The following DNM3 variants were observed in gnomAD, a reference collection of about 807,000 sequenced individuals.
DNM3 encodes dynamin-3.
In DNM3, 47 loss-of-function variants were observed where a neutral mutation model predicts 101.6. That is an observed-to-expected ratio of 0.46 (90% CI 0.37 to 0.59). The LOEUF is 0.59. DNM3 is among the 20% of genes least tolerant of loss of function. DNM3 has a pLI of 0.00. For synonymous variants in DNM3, 385 were observed against 387.9 expected, an observed-to-expected ratio of 0.99 and a Z score of 0.09; for missense variants, 849 against 1,085.7, an observed-to-expected ratio of 0.78 and a Z score of 3.06.
chr1:172,245,808 A>G (rs975891928), intron 14 of DNM3, among the ~76,000 whole-genome samples: 3 of 152,184 alleles, frequency 2.0e-5, no homozygotes, highest in Non-Finnish European at 4.4e-5. Context: ...CGGCTAGGGA[A>G]CAAGGATCTG....
In DNM3 at chr1:172,043,474, A is replaced by G. The variant is rs2049542703; in HGVS notation, c.1129-911A>G. Among the ~76,000 whole-genome samples, 3 of 152,200 alleles carry G rather than the reference A, an allele frequency of 2.0e-5. No homozygotes were observed. In the South Asian group the frequency reaches 6.2e-4, roughly 31 times the overall value. On this transcript the variant is annotated intron_variant, in intron 8 of 20. Coordinates refer to ENST00000627582, the MANE Select transcript of DNM3 (RefSeq NM_015569.5). ...GGGTAAATAGATAATTTCATTAAAA[A>G]TGTGCTAAGTAAAGTGATAAACTTC... is the stretch of plus-strand genomic sequence containing the variant.
chr1:172,074,984 C>T (rs1303155710), intron 11 of DNM3, among the ~76,000 whole-genome samples: 1 of 152,180 alleles, frequency 6.6e-6, no homozygotes, highest in Non-Finnish European at 1.5e-5. Context: ...TCTGTTGTTT[C>T]CTGACTTTTT....
chr1:172,072,693 G>C (rs2052298200), intron 11 of DNM3, among the ~76,000 whole-genome samples: 1 of 152,206 alleles, frequency 6.6e-6, no homozygotes, highest in African/African-American at 2.4e-5. Context: ...TTCAAGACCA[G>C]CCTGGCCAAC....
chr1:172,305,425 G>A (rs970777831), intron 15 of DNM3, among the ~76,000 whole-genome samples: 5 of 152,114 alleles, frequency 3.3e-5, no homozygotes, highest in African/African-American at 9.7e-5. Flanking sequence ...AAAACCAGAC[G>A]GATTCACAGC....
intron 13 of DNM3, among the ~76,000 whole-genome samples, chr1:172,097,281 T>A (rs895407169): frequency 6.6e-6 from 1 of 151,914 alleles, no homozygotes; most frequent in African/African-American, 2.4e-5. Context: ...GTGCCTGTAA[T>A]CCAAGCTTCT....
intron 1 of DNM3, among the ~76,000 whole-genome samples, chr1:171,874,499 T>A (rs1017099708): frequency 6.6e-6 from 1 of 152,146 alleles, no homozygotes; most frequent in African/African-American, 2.4e-5. Flanking sequence ...AGTGGTAGAG[T>A]TGATGAAATT....
downstream of DNM3, among the ~76,000 whole-genome samples, chr1:172,416,633 G>A (rs149871661): frequency 1.2e-3 from 185 of 152,304 alleles, 1 homozygote; most frequent in African/African-American, 4.2e-3. Flanking sequence ...CTTCAGCACT[G>A]TGGACTTGCT....
At position 172,409,782 on chromosome 1, in the gene DNM3, TA is replaced by T; in HGVS notation, c.*1945del. On this transcript the variant is annotated 3_prime_UTR_variant, in exon 21 of 21. Coordinates refer to ENST00000627582, the MANE Select transcript of DNM3 (RefSeq NM_015569.5). Reference sequence around the variant, plus strand: ...CCTTTGCTTCTTCCTTTGAATTCTCTAAAATAGGCAGCTAACGGATTATATA... The same window carrying T: ...CCTTTGCTTCTTCCTTTGAATTCTCTAAATAGGCAGCTAACGGATTATATA... 1.0e-6 allele frequency: 1 copy of T among 985,760 alleles called. No individual in the cohort carries two copies. The highest frequency in any genetic ancestry group is 1.2e-6 in the Non-Finnish European group (1 of 829,854). The allele number at this position is 985,760 out of a possible 1,614,324, so 61.1% of individuals were successfully genotyped here. A position where few individuals can be genotyped will look rare whatever the true frequency, so the allele number is the denominator to read the frequency against.
At chr1:171,937,195 C>T (rs1011247537) in intron 2 of DNM3, among the ~76,000 whole-genome samples, 1 of 151,906 alleles carries the variant, frequency 6.6e-6, no homozygotes, top group Admixed American at 6.6e-5. Flanking sequence ...CTACATTTCT[C>T]GCTTTGTTTT....
rs760797992 is a variant in DNM3, at chr1:171,841,608, G to C, written c.-49G>C. ...GCAGCGCGGCCCCTACTCCCTGTCA[G>C]GTCGTAGAGGCGAGCAGGGACCAGC... is the stretch of plus-strand genomic sequence containing the variant. On this transcript the variant is annotated 5_prime_UTR_variant, in exon 1 of 21. Transcript: ENST00000627582. The C allele has an allele frequency of 3.8e-5, 60 of 1,578,686 alleles. No individual in the cohort carries two copies. Among genetic ancestry groups the C allele is most frequent in the Non-Finnish European group, 4.9e-5 (57 of 1,164,800 alleles).
At chr1:171,998,144 A>G (rs1261900421) in intron 4 of DNM3, among the ~76,000 whole-genome samples, 2 of 152,144 alleles carry the variant, frequency 1.3e-5, no homozygotes, top group African/African-American at 4.8e-5. Flanking sequence ...AATTCTTTCC[A>G]TTATATCATC....
chr1:171,884,506 C>A (rs2036593894), intron 1 of DNM3, among the ~76,000 whole-genome samples: 2 of 152,146 alleles, frequency 1.3e-5, no homozygotes, highest in Admixed American at 6.5e-5. Context: ...GCATTAGATC[C>A]ATTTGCCCTG....
chr1:172,001,155 G>A (rs1349136127), intron 4 of DNM3, among the ~76,000 whole-genome samples: 1 of 152,060 alleles, frequency 6.6e-6, no homozygotes, highest in East Asian at 1.9e-4. Flanking sequence ...AGAGGACATG[G>A]AGACAGATGA....
chr1:172,061,715 G>A (rs1309580831), intron 10 of DNM3, among the ~76,000 whole-genome samples: 1 of 115,454 alleles, frequency 8.7e-6, no homozygotes, highest in African/African-American at 3.2e-5. Context: ...GGGGGAGGGG[G>A]GAGGGATAGC....
chr1:172,149,488 G>T (rs1267769081), intron 14 of DNM3, among the ~76,000 whole-genome samples: 2 of 152,124 alleles, frequency 1.3e-5, no homozygotes, highest in Admixed American at 1.3e-4. Flanking sequence ...GAAAATTGTT[G>T]CTGGCCTTTT....
At chr1:172,239,046 G>T (rs1175340794) in intron 14 of DNM3, among the ~76,000 whole-genome samples, 4 of 152,114 alleles carry the variant, frequency 2.6e-5, no homozygotes, top group Non-Finnish European at 5.9e-5. Context: ...GAAGAAATAA[G>T]TACCCCCTCT....
chr1:172,003,296 T>C (rs1179207467), intron 4 of DNM3, among the ~76,000 whole-genome samples: 1 of 152,070 alleles, frequency 6.6e-6, no homozygotes, highest in East Asian at 1.9e-4. Context: ...TACATCTTAC[T>C]CCTGGATTCT....
intron 4 of DNM3, among the ~76,000 whole-genome samples, chr1:172,009,208 G>A (rs952679103): frequency 2.7e-4 from 39 of 142,212 alleles, no homozygotes; most frequent in African/African-American, 9.6e-4. Context: ...TTATAATTCT[G>A]GACTCACTAT....
At chr1:172,027,663 G>A (rs1384101390) in intron 4 of DNM3, among the ~76,000 whole-genome samples, 1 of 151,636 alleles carries the variant, frequency 6.6e-6, no homozygotes, top group Admixed American at 6.6e-5. Flanking sequence ...TCCATGTGCT[G>A]TATTCAGGAG....
Sources: gnomAD v4.1 joint callset for allele counts (sites outside exome capture counted in the v4.1 genomes callset) on GRCh38, gnomAD v4.1.1 for gene constraint, MANE v1.5 for transcripts, NCBI Gene and HGNC (gene_info 2026-07-23, HGNC 2026-07-21) for gene names.